The following PARN variants were observed in gnomAD, a reference collection of about 807,000 sequenced individuals.
PARN encodes poly(A)-specific ribonuclease, also known as poly(A)-specific ribonuclease PARN.
Under a neutral mutation model 102.8 loss-of-function variants are expected in PARN, and 71 were observed. The observed-to-expected ratio is 0.69, with a 90% CI of 0.57 to 0.84. PARN has a LOEUF of 0.84. Among genes scored for constraint, PARN ranks in the 40% least tolerant of loss-of-function variants. The probability of loss-of-function intolerance (pLI) is 0.00; values close to 1 mark genes in which losing one functional copy is unlikely to be tolerated. For synonymous variants in PARN, 261 were observed against 252.9 expected (o/e 1.03, Z -0.30); for missense variants, 782 against 760.9 (o/e 1.03, Z -0.33).
At chr16:14,563,092 A>G (rs1468006258) in intron 18 of PARN, among the ~76,000 whole-genome samples, 1 of 152,226 alleles carries the variant, frequency 6.6e-6, no homozygotes, top group Non-Finnish European at 1.5e-5. Context: ...AATACTTTGG[A>G]TGGAGACTCA....
At chr16:14,549,360 G>A (rs1431602520) in intron 21 of PARN, among the ~76,000 whole-genome samples, 4 of 152,096 alleles carry the variant, frequency 2.6e-5, no homozygotes, top group African/African-American at 9.7e-5. Flanking sequence ...TCCTCATGCT[G>A]CAGTGTGTGT....
At chr16:14,526,371 G>A (rs1966005443) in intron 21 of PARN, among the ~76,000 whole-genome samples, 1 of 151,098 alleles carries the variant, frequency 6.6e-6, no homozygotes, top group Non-Finnish European at 1.5e-5. Flanking sequence ...TACAGATGGG[G>A]TTTCACCATG....
At chr16:14,608,145 A>G (rs1476541682) in intron 9 of PARN, 136 bp downstream of exon 9, 3 of 678,062 alleles carry the variant, frequency 4.4e-6, no homozygotes, top group Non-Finnish European at 7.8e-6. Flanking sequence ...CAACTTAAGA[A>G]AGTAGGGGGA....
At chr16:14,569,600 G>A (rs894001789) in intron 18 of PARN, among the ~76,000 whole-genome samples, 1 of 152,184 alleles carries the variant, frequency 6.6e-6, no homozygotes, top group African/African-American at 2.4e-5. Context: ...CCCAAGGTGT[G>A]ATCTAAACAT....
intron 12 of PARN, among the ~76,000 whole-genome samples, chr16:14,595,667 G>A (rs1970460811): frequency 6.6e-6 from 1 of 152,020 alleles, no homozygotes; most frequent in Admixed American, 6.6e-5. Context: ...TGAGTAGCTG[G>A]GATTACAGGT....
intron 18 of PARN, among the ~76,000 whole-genome samples, chr16:14,567,422 G>A (rs939860825): frequency 2.0e-5 from 3 of 152,028 alleles, no homozygotes; most frequent in African/African-American, 7.2e-5. Context: ...ATGATTAAAG[G>A]GTAATATCAA....
chr16:14,560,361 G>A (rs1394098288), intron 18 of PARN, among the ~76,000 whole-genome samples: 2 of 152,178 alleles, frequency 1.3e-5, no homozygotes, highest in Admixed American at 6.5e-5. Context: ...GTGTAACACG[G>A]TAAAGACCCT....
At chr16:14,531,551 G>A (rs1235138648) in intron 21 of PARN, among the ~76,000 whole-genome samples, 1 of 152,098 alleles carries the variant, frequency 6.6e-6, no homozygotes, top group Non-Finnish European at 1.5e-5. Flanking sequence ...AATTCAATTT[G>A]GCCTCAGCCT....
At chr16:14,469,576 G>A (rs1255664345) in intron 22 of PARN, among the ~76,000 whole-genome samples, 2 of 152,108 alleles carry the variant, frequency 1.3e-5, no homozygotes, top group East Asian at 3.9e-4. Context: ...ATCAGTACAA[G>A]GACAAACTTG....
At chr16:14,438,353 C>T (rs1960798382) in intron 23 of PARN, among the ~76,000 whole-genome samples, 1 of 150,896 alleles carries the variant, frequency 6.6e-6, no homozygotes, top group African/African-American at 2.4e-5. Flanking sequence ...TTAAATCCAG[C>T]TCAGAGGAAA....
At chr16:14,484,328 G>A (rs1963543184) in intron 21 of PARN, among the ~76,000 whole-genome samples, 1 of 152,098 alleles carries the variant, frequency 6.6e-6, no homozygotes, top group South Asian at 2.1e-4. Context: ...TGGCCTCTTG[G>A]TGCCCATTTG....
intron 18 of PARN, among the ~76,000 whole-genome samples, chr16:14,557,557 CAAA>C (rs751028710): frequency 5.5e-5 from 2 of 36,496 alleles, no homozygotes; most frequent in African/African-American, 1.0e-4. Context: ...AACTCTGCCT[CAAA>C]AAAAAAAAAA....
At chr16:14,486,011 A>G (rs1398965130) in intron 21 of PARN, among the ~76,000 whole-genome samples, 1 of 152,170 alleles carries the variant, frequency 6.6e-6, no homozygotes, top group Middle Eastern at 3.2e-3. Flanking sequence ...CTTTAATCTA[A>G]AAGGTTTATT....
At chr16:14,510,988 C>T (rs753507223) in intron 21 of PARN, among the ~76,000 whole-genome samples, 33 of 152,318 alleles carry the variant, frequency 2.2e-4, no homozygotes, top group Non-Finnish European at 3.5e-4. Context: ...GTTCTGAATG[C>T]CACCCAACTA....
chr16:14,462,766 G>C (rs765734965), intron 22 of PARN, among the ~76,000 whole-genome samples: 4 of 152,150 alleles, frequency 2.6e-5, no homozygotes, highest in Non-Finnish European at 4.4e-5. Context: ...AAAGACACTG[G>C]AGCAACTTCC....
Position 14,536,694 on chromosome 16 carries a change from T to C in PARN, c.1480+15327A>G, listed in dbSNP as rs369735905. On this transcript the variant is annotated intron_variant, in intron 21 of 23. Coordinates refer to ENST00000437198, the MANE Select transcript of PARN (RefSeq NM_002582.4). ...TATTAAACAACTTTTTCCTTTTCTA[T>C]GTAGTTTTAAATTTTTCTAATAAAA... 1.3e-4 allele frequency among the ~76,000 whole-genome samples: 20 copies of C among 152,348 alleles called. No individual in the cohort carries two copies. The East Asian group carries it at 3.1e-3, about 23-fold the overall frequency.
rs764315291 is a variant in PARN at position 14,627,162 on chromosome 16, A to T, written c.271T>A (p.Tyr91Asn). 11 of 1,605,824 alleles carry T rather than the reference A, an allele frequency of 6.9e-6. No individual in the cohort carries two copies. The highest frequency in any genetic ancestry group is 6.8e-6 in the Non-Finnish European group (8 of 1,173,734). Residue 91 changes from tyrosine (Y) to asparagine (N), a missense_variant, in exon 5 of 24, where the codon TAT (tyrosine) becomes AAT (asparagine). Coordinates refer to ENST00000437198, the MANE Select transcript of PARN (RefSeq NM_002582.4). ...SKYITKSFNFYVFPKPFNRSS... is the reference protein window; with the variant it reads ...SKYITKSFNFNVFPKPFNRSS... ...CTATTGAAGGGTTTCGGGAAAACAT[A>T]GAAGTTAAATGACTTCGTTATATAC...
intron 21 of PARN, among the ~76,000 whole-genome samples, chr16:14,510,079 C>T (rs560336729): frequency 6.6e-6 from 1 of 152,296 alleles, no homozygotes; most frequent in South Asian, 2.1e-4. Flanking sequence ...ATTCCCGGAT[C>T]ACCTAAAGAT....
chr16:14,444,810 T>TC (rs1317221713), intron 23 of PARN, among the ~76,000 whole-genome samples: 1 of 152,108 alleles, frequency 6.6e-6, no homozygotes, highest in Non-Finnish European at 1.5e-5. Context: ...TTAAAACTTC[T>TC]CCAATACTTT....
Sources: allele counts gnomAD v4.1 joint callset (sites outside exome capture counted in the v4.1 genomes callset), GRCh38; gene constraint gnomAD v4.1.1; transcripts MANE v1.5; gene names NCBI Gene and HGNC (gene_info 2026-07-23, HGNC 2026-07-21).